The following YEATS2 variants were observed in gnomAD, a reference collection of about 807,000 sequenced individuals.
YEATS2 encodes the protein YEATS domain-containing protein 2.
YEATS2 carries 77 observed loss-of-function variants against 163.2 expected under a neutral mutation model. The ratio of observed to expected loss-of-function variants is 0.47; its 90% CI spans 0.39 to 0.57. The LOEUF (loss-of-function observed/expected upper bound fraction) is 0.57, where lower values mean the gene tolerates loss of function less well. Ranked by LOEUF, YEATS2 falls within the 20% of genes least tolerant of loss-of-function variation. YEATS2 has a pLI of 0.00. For missense variants in YEATS2, 1,549 were observed against 1,729.8 expected (o/e 0.90, Z 1.85); for synonymous variants, 631 against 645.1 (o/e 0.98, Z 0.33).
chr3:183,744,133 G>GACAGA (rs1719274404), intron 8 of YEATS2, among the ~76,000 whole-genome samples: 1 of 96,608 alleles, frequency 1.0e-5, no homozygotes, highest in Non-Finnish European at 1.9e-5. Context: ...TTTTTTTTGA[G>GACAGA]ACAGAATCTC....
chr3:183,791,436 T>C (rs1196337213), intron 21 of YEATS2, among the ~76,000 whole-genome samples: 5 of 152,238 alleles, frequency 3.3e-5, no homozygotes, highest in Non-Finnish European at 1.5e-5. Context: ...TGAATTATTT[T>C]TGTTTAAAAT....
intron 6 of YEATS2, among the ~76,000 whole-genome samples, chr3:183,726,769 T>C (rs1225610559): frequency 6.6e-6 from 1 of 152,218 alleles, no homozygotes; most frequent in Admixed American, 6.5e-5. Flanking sequence ...CTGGAATCTC[T>C]TGAGGGTAGA....
chr3:183,747,019 C>G (rs1324313440), intron 8 of YEATS2, among the ~76,000 whole-genome samples: 1 of 151,722 alleles, frequency 6.6e-6, no homozygotes. Flanking sequence ...CAAATAAGAA[C>G]TTAACCTTTT....
intron 1 of YEATS2, among the ~76,000 whole-genome samples, chr3:183,710,643 CCT>C (rs920405890): frequency 2.8e-4 from 43 of 151,558 alleles, no homozygotes; most frequent in African/African-American, 9.7e-4. Context: ...TCCCCAAATT[CCT>C]CTCTTTTCTC....
chr3:183,738,294 G>C (rs1045990547), intron 8 of YEATS2, among the ~76,000 whole-genome samples: 2 of 151,494 alleles, frequency 1.3e-5, no homozygotes, highest in Non-Finnish European at 2.9e-5. Flanking sequence ...AGCTAGAAAG[G>C]ATTAAGCTTA....
At chr3:183,718,463 C>T (rs758955465) in intron 3 of YEATS2, 37 bp from the exon 4 acceptor site, 5 of 1,515,138 alleles carry the variant, frequency 3.3e-6, no homozygotes, top group South Asian at 2.4e-5. Context: ...TTTATAATTG[C>T]CGTTTTTTAA....
intron 4 of YEATS2, among the ~76,000 whole-genome samples, chr3:183,721,084 G>A (rs1323805411): frequency 6.6e-6 from 1 of 152,170 alleles, no homozygotes; most frequent in Non-Finnish European, 1.5e-5. Context: ...GAAATATGCT[G>A]ATTTTATCCT....
intron 1 of YEATS2, among the ~76,000 whole-genome samples, chr3:183,712,810 G>A (rs111450884): frequency 4.6e-5 from 7 of 151,646 alleles, no homozygotes; most frequent in African/African-American, 1.7e-4. Flanking sequence ...GCCCAGGCCG[G>A]AGTGCAGTGG....
At chr3:183,715,324 C>A (rs1167565275) in intron 2 of YEATS2, 62 bp downstream of exon 2, 4 of 1,220,790 alleles carry the variant, frequency 3.3e-6, no homozygotes, top group Admixed American at 3.7e-5. Flanking sequence ...AGAAAACTTA[C>A]AGGAACTAGA....
intron 18 of YEATS2, 143 bp downstream of exon 18, chr3:183,776,266 G>T: frequency 1.1e-6 from 1 of 917,694 alleles, no homozygotes; most frequent in Admixed American, 3.3e-5. Context: ...TATCTTGGCC[G>T]GGTGTGGTAA....
At chr3:183,807,288 C>G (rs556735524) in intron 28 of YEATS2, 196 bp downstream of exon 28, 1 of 577,534 alleles carries the variant, frequency 1.7e-6, no homozygotes, top group East Asian at 2.9e-5. Context: ...TCCCACCGTC[C>G]CACATCAGAG....
intron 10 of YEATS2, among the ~76,000 whole-genome samples, chr3:183,752,952 C>A (rs988873806): frequency 1.3e-5 from 2 of 151,628 alleles, no homozygotes; most frequent in Non-Finnish European, 2.9e-5. Context: ...CGTCCACCAC[C>A]GCTCTCGGCT....
chr3:183,727,026 C>G (rs1264154798), intron 6 of YEATS2, among the ~76,000 whole-genome samples: 1 of 152,106 alleles, frequency 6.6e-6, no homozygotes, highest in African/African-American at 2.4e-5. Flanking sequence ...GTCTTGAACT[C>G]ATGAATTTGG....
chr3:183,786,414 C>CT (rs35962571), intron 20 of YEATS2, 113 bp downstream of exon 20: 27,555 of 795,194 alleles, frequency 0.035, 1 homozygote, highest in Middle Eastern at 0.059. Context: ...TCAACTATTG[C>CT]TTTTTTTTTT....
At chr3:183,793,541 C>T in intron 21 of YEATS2, 2 of 684,114 alleles carry the variant, frequency 2.9e-6, no homozygotes, top group Non-Finnish European at 3.6e-6. Flanking sequence ...GATGAAGTCT[C>T]CCTGCTGTAA....
chr3:183,789,804 G>T (rs1401261043), intron 20 of YEATS2, among the ~76,000 whole-genome samples: 1 of 151,942 alleles, frequency 6.6e-6, no homozygotes, highest in Non-Finnish European at 1.5e-5. Context: ...CTCCCAAAGT[G>T]CTGGGATTAT....
At chr3:183,778,353 G>GA (rs1047955892) in intron 19 of YEATS2, among the ~76,000 whole-genome samples, 1 of 152,102 alleles carries the variant, frequency 6.6e-6, no homozygotes, top group Non-Finnish European at 1.5e-5. Flanking sequence ...TTGTGAGAAA[G>GA]AAAAAAACGC....
intron 1 of YEATS2, among the ~76,000 whole-genome samples, chr3:183,707,368 A>C (rs1714716491): frequency 6.6e-6 from 1 of 152,098 alleles, no homozygotes; most frequent in Non-Finnish European, 1.5e-5. Context: ...AATGATTTTG[A>C]GGTTCATTTC....
rs1726751146 is a variant in YEATS2, at chr3:183,810,993, C to G, written c.*410C>G. The G allele has an allele frequency of 4.9e-6, 1 of 202,592 alleles. No individual in the cohort carries two copies. The highest frequency in any genetic ancestry group is 5.4e-5 in the Admixed American group (1 of 18,538). 12.5% of individuals were successfully genotyped at this position (202,592 alleles called of 1,614,324 possible). On this transcript the variant is annotated 3_prime_UTR_variant, in exon 31 of 31. Transcript: ENST00000305135. ...CACCCATTTTGTGGGCTGGAGTTAC[C>G]AGTAGCTCCAGCAGTTACCCTGAAG...
Sources: allele counts gnomAD v4.1 joint callset (sites outside exome capture counted in the v4.1 genomes callset), GRCh38; gene constraint gnomAD v4.1.1; transcripts MANE v1.5; gene names NCBI Gene and HGNC (gene_info 2026-07-23, HGNC 2026-07-21).